CYP4X1: variants seen among roughly 807,000 people sequenced by gnomAD.
CYP4X1 encodes the protein cytochrome P450 4X1.
In CYP4X1, 44 loss-of-function variants were observed where a neutral mutation model predicts 57.9. That is an observed-to-expected ratio of 0.76 (90% CI 0.60 to 0.98). The LOEUF (loss-of-function observed/expected upper bound fraction) is 0.98. CYP4X1 is among the 50% of genes least tolerant of loss of function. The pLI is 0.00. For synonymous variants in CYP4X1, 227 were observed against 228.6 expected (o/e 0.99, Z 0.06); for missense variants, 532 against 623.9 (o/e 0.85, Z 1.57).
chr1:47,031,396 C>G, intron 2 of CYP4X1, 40 bp from the exon 3 acceptor site: 1 of 1,610,622 alleles, frequency 6.2e-7, no homozygotes, highest in South Asian at 1.1e-5. Flanking sequence ...TGAATGCTCC[C>G]TCTAATGATG....
At position 47,023,922 on chromosome 1, in the gene CYP4X1, G is replaced by A. The variant is rs765055118; in HGVS notation, c.105G>A (p.Arg35=). The change falls in exon 1 of 12, where the codon CGG becomes CGA. Residue 35 remains arginine (R), a synonymous_variant. Coordinates refer to ENST00000371901, the MANE Select transcript of CYP4X1 (RefSeq NM_178033.2). ...TGCAGGCCATTAAGCTGTACCTGCG[G>A]AGGCAGCGGCTGCTGCGGGACCTGC... ...GLLQAIKLYL[R]RQRLLRDLRP... 1 of 1,613,648 alleles carries A rather than the reference G, an allele frequency of 6.2e-7. No homozygotes were observed. Among genetic ancestry groups the A allele is most frequent in the South Asian group, 1.1e-5 (1 of 91,052 alleles).
chr1:47,014,094 T>C, the CYP4X1 span, among the ~76,000 whole-genome samples: 4 of 152,156 alleles, frequency 2.6e-5, no homozygotes, highest in African/African-American at 9.7e-5. Context: ...CTTTTAAATT[T>C]AATAATTTTG....
the CYP4X1 span, among the ~76,000 whole-genome samples, chr1:47,006,865 G>A: frequency 8.5e-5 from 13 of 152,302 alleles, no homozygotes; most frequent in African/African-American, 2.4e-4. Context: ...ACTGCAAGGC[G>A]GCAGCGAGGC....
At chr1:47,001,083 G>A in the CYP4X1 span, 1 of 233,194 alleles carries the variant, frequency 4.3e-6, no homozygotes, top group South Asian at 8.0e-5. Context: ...TGCAGTTCCT[G>A]AGCCAGGCAG....
At chr1:47,023,480 T>C, upstream of CYP4X1, 2 of 1,011,126 alleles carry the variant, frequency 2.0e-6, no homozygotes, top group Non-Finnish European at 2.4e-6. Context: ...AGAAAAACAA[T>C]GACCTCAGCT....
chr1:47,044,261 G>C (rs1644277095), intron 8 of CYP4X1, among the ~76,000 whole-genome samples: 1 of 151,904 alleles, frequency 6.6e-6, no homozygotes, highest in African/African-American at 2.4e-5. Flanking sequence ...CTCTACTATA[G>C]GTTTTTGCTT....
chr1:47,000,584 GT>G, the CYP4X1 span, among the ~76,000 whole-genome samples: 1 of 152,198 alleles, frequency 6.6e-6, no homozygotes, highest in East Asian at 1.9e-4. Flanking sequence ...GTTTATTATA[GT>G]GGCAATAAGA....
the CYP4X1 span, among the ~76,000 whole-genome samples, chr1:46,975,866 T>A: frequency 5.3e-5 from 8 of 151,866 alleles, no homozygotes; most frequent in South Asian, 2.1e-4. Flanking sequence ...ATCAAAAAAA[T>A]TTTTTTTCTT....
At chr1:46,971,685 G>A in the CYP4X1 span, among the ~76,000 whole-genome samples, 4 of 152,102 alleles carry the variant, frequency 2.6e-5, no homozygotes, top group African/African-American at 4.8e-5. Context: ...GTGATATTGA[G>A]TATTTTTTCA....
the CYP4X1 span, among the ~76,000 whole-genome samples, chr1:46,986,422 A>T: frequency 6.6e-6 from 1 of 152,238 alleles, no homozygotes; most frequent in African/African-American, 2.4e-5. Context: ...TGTACCTGAA[A>T]GTGACAGAGA....
At chr1:46,997,711 A>T in the CYP4X1 span, among the ~76,000 whole-genome samples, 1 of 152,236 alleles carries the variant, frequency 6.6e-6, no homozygotes, top group Admixed American at 6.5e-5. Flanking sequence ...TCCTTTGGAT[A>T]GATACCTAGC....
chr1:47,029,819 G>A (rs1644106978), intron 1 of CYP4X1, among the ~76,000 whole-genome samples, 171 bp from the exon 2 acceptor site: 1 of 152,130 alleles, frequency 6.6e-6, no homozygotes, highest in Non-Finnish European at 1.5e-5. Flanking sequence ...TTTGTTTAGA[G>A]AATTATCCCC....
intron 3 of CYP4X1, among the ~76,000 whole-genome samples, chr1:47,032,063 A>C (rs1198454056): frequency 1.3e-5 from 2 of 152,084 alleles, no homozygotes; most frequent in African/African-American, 4.8e-5. Context: ...CAACAAAAAA[A>C]AAACTACCCA....
In CYP4X1 at chr1:47,050,438, TA is replaced by T. The variant is rs1644351692; in HGVS notation, c.*265del. 1 of 258,360 alleles carries T rather than the reference TA, an allele frequency of 3.9e-6. No individual in the cohort carries two copies. Among genetic ancestry groups the T allele is most frequent in the South Asian group, 9.2e-5 (1 of 10,870 alleles). 16.0% of individuals were successfully genotyped at this position (258,360 alleles called of 1,614,324 possible). A position where few individuals can be genotyped will look rare whatever the true frequency, so the allele number is the denominator to read the frequency against. ...CTGTATACACCAATAGACTTTCATA[TA>T]TTTTCTGTTGTTTTTAAAATAGTTT... On this transcript the variant is annotated 3_prime_UTR_variant, in exon 12 of 12. Transcript: ENST00000371901.
chr1:46,977,999 C>G, the CYP4X1 span, among the ~76,000 whole-genome samples: 1 of 152,070 alleles, frequency 6.6e-6, no homozygotes, highest in Non-Finnish European at 1.5e-5. Flanking sequence ...AAGGAACAAC[C>G]AGTACCAGCC....
chr1:47,017,510 T>G, the CYP4X1 span, among the ~76,000 whole-genome samples: 2 of 152,074 alleles, frequency 1.3e-5, no homozygotes, highest in Non-Finnish European at 2.9e-5. Context: ...GGAAGATAGA[T>G]TCTTCTTGCC....
the CYP4X1 span, among the ~76,000 whole-genome samples, chr1:46,999,026 T>TTTTGTGTGTGTGTGTG: frequency 7.0e-6 from 1 of 143,248 alleles, no homozygotes. Flanking sequence ...CTTGCTTTCT[T>TTTTGTGTGTGTGTGTG]TGTGTGTGTG....
chr1:46,975,294 G>A, the CYP4X1 span, among the ~76,000 whole-genome samples: 1 of 152,130 alleles, frequency 6.6e-6, no homozygotes, highest in Non-Finnish European at 1.5e-5. Flanking sequence ...TTTCTGTAGT[G>A]GCTGGCAATG....
chr1:47,054,248 T>C (rs556581633), downstream of CYP4X1, among the ~76,000 whole-genome samples: 33 of 152,254 alleles, frequency 2.2e-4, no homozygotes, highest in African/African-American at 6.7e-4. Context: ...GCATTATTTC[T>C]GAGGGCTCTG....
Sources: gnomAD v4.1 joint callset for allele counts (sites outside exome capture counted in the v4.1 genomes callset) on GRCh38, gnomAD v4.1.1 for gene constraint, MANE v1.5 for transcripts, NCBI Gene and HGNC (gene_info 2026-07-23, HGNC 2026-07-21) for gene names.